The following GOLGA8B variants were observed in gnomAD, a reference collection of about 807,000 sequenced individuals.
GOLGA8B encodes the protein golgin subfamily A member 8B.
GOLGA8B carries 1 observed loss-of-function variant against 15.6 expected under a neutral mutation model. The ratio of observed to expected loss-of-function variants is 0.06; its 90% CI spans 0.02 to 0.30. The LOEUF is 0.30. Among genes scored for constraint, GOLGA8B ranks in the 10% least tolerant of loss-of-function variants. The pLI is 1.00. For synonymous variants in GOLGA8B, 9 were observed against 80.3 expected, an observed-to-expected ratio of 0.11 and a Z score of 4.75; for missense variants, 17 against 201.3, an observed-to-expected ratio of 0.08 and a Z score of 5.54.
At chr15:34,564,443 T>C (rs1888703864) in intron 1 of GOLGA8B, among the ~76,000 whole-genome samples, 1 of 148,306 alleles carries the variant, frequency 6.7e-6, no homozygotes, top group African/African-American at 2.5e-5. Context: ...TTTTGCATCA[T>C]ATTCACATTA....
intron 1 of GOLGA8B, among the ~76,000 whole-genome samples, chr15:34,564,282 C>A (rs1235219829): frequency 7.2e-6 from 1 of 138,686 alleles, no homozygotes; most frequent in Non-Finnish European, 1.6e-5. Flanking sequence ...TCTTTGACTG[C>A]CATTTTTCTT....
Position 34,527,504 on chromosome 15 carries a change from T to C in GOLGA8B, c.*128A>G, listed in dbSNP as rs896001238. 2.4e-5 allele frequency: 17 copies of C among 712,084 alleles called. No individual in the cohort carries two copies. The highest frequency in any genetic ancestry group is 3.6e-5 in the Non-Finnish European group (17 of 466,972). 44.1% of individuals were successfully genotyped at this position (712,084 alleles called of 1,614,324 possible). A position where few individuals can be genotyped will look rare whatever the true frequency, so the allele number is the denominator to read the frequency against. On this transcript the variant is annotated 3_prime_UTR_variant, in exon 24 of 24. Coordinates refer to ENST00000683415, the MANE Select transcript of GOLGA8B (RefSeq NM_001023567.5). ...TTACAAATAAACTTAAACTATAAAT[T>C]AGAAACACAAATAATCATGAGTAGC...
At position 34,527,787 on chromosome 15, in the gene GOLGA8B, C is replaced by G; in HGVS notation, c.1657G>C (p.Glu553Gln). 6.5e-7 allele frequency: 1 copy of G among 1,529,762 alleles called. No homozygotes were observed. Among genetic ancestry groups the G allele is most frequent in the Non-Finnish European group, 8.8e-7 (1 of 1,138,486 alleles). 94.8% of individuals were successfully genotyped at this position (1,529,762 alleles called of 1,614,324 possible). The change falls in exon 24 of 24, where the codon GAA becomes CAA. Residue 553 changes from glutamate to glutamine, a missense_variant. Around this residue, in one of 4 missense-constraint regions of GOLGA8B, gnomAD observed 9 missense variants for 17.4 expected, o/e 0.52. Transcript: ENST00000683415. ...LTNSVEPAQG[E>Q]AREGSSQDNP... ...TCCTGGGAAGAACCCTCCCTGGCTT[C>G]TCCTTGTGCAGGCTCCACGCTGTTG...
intron 7 of GOLGA8B, among the ~76,000 whole-genome samples, chr15:34,542,245 AT>A (rs1888217827): frequency 4.8e-5 from 1 of 20,900 alleles, no homozygotes; most frequent in Non-Finnish European, 9.7e-5. Flanking sequence ...TCTCTTCATT[AT>A]TAACTTCTAA....
intron 1 of GOLGA8B, among the ~76,000 whole-genome samples, chr15:34,567,520 A>G (rs1182363153): frequency 1.3e-5 from 2 of 151,732 alleles, no homozygotes; most frequent in Admixed American, 6.5e-5. Context: ...TTGTGAGAAG[A>G]GTCACATGAA....
intron 1 of GOLGA8B, among the ~76,000 whole-genome samples, chr15:34,580,037 TG>T (rs1184735052): frequency 6.6e-6 from 1 of 151,168 alleles, no homozygotes; most frequent in African/African-American, 2.4e-5. Flanking sequence ...GGTGAGGGGC[TG>T]GCCAGGTGGG....
chr15:34,559,209 G>A (rs1379335124), intron 1 of GOLGA8B, among the ~76,000 whole-genome samples: 3 of 147,024 alleles, frequency 2.0e-5, no homozygotes, highest in Non-Finnish European at 4.4e-5. Context: ...ACCCACAGTA[G>A]AGTCACAGAG....
intron 1 of GOLGA8B, among the ~76,000 whole-genome samples, chr15:34,566,669 A>G (rs1385408727): frequency 5.5e-5 from 8 of 145,764 alleles, no homozygotes; most frequent in Non-Finnish European, 7.7e-5. Context: ...TGACAGCACA[A>G]GCAGCTCAGG....
intron 1 of GOLGA8B, among the ~76,000 whole-genome samples, chr15:34,563,517 T>C (rs1252660851): frequency 6.7e-6 from 1 of 148,972 alleles, no homozygotes; most frequent in Non-Finnish European, 1.5e-5. Flanking sequence ...TTTACTGTCA[T>C]TGTCTATTGG....
Position 34,527,528 on chromosome 15 carries a change from GC to G in GOLGA8B, c.*103del, listed in dbSNP as rs1888085341. On this transcript the variant is annotated 3_prime_UTR_variant, in exon 24 of 24. Coordinates refer to ENST00000683415, the MANE Select transcript of GOLGA8B (RefSeq NM_001023567.5). ...TTAGAAACACAAATAATCATGAGTA[GC>G]TCTAACATTCAAATGAAGTAAATGA... The G allele has an allele frequency of 7.1e-6, 5 of 705,474 alleles. No individual in the cohort carries two copies. The highest frequency in any genetic ancestry group is 4.0e-5 in the African/African-American group (2 of 49,396). 43.7% of individuals were successfully genotyped at this position (705,474 alleles called of 1,614,324 possible). A position where few individuals can be genotyped will look rare whatever the true frequency, so the allele number is the denominator to read the frequency against.
chr15:34,581,363 A>C (rs1364760966), intron 1 of GOLGA8B: 1 of 152,280 alleles, frequency 6.6e-6, no homozygotes, highest in Non-Finnish European at 1.5e-5. Flanking sequence ...CCTCACTATC[A>C]ACTGTTTTTC....
intron 1 of GOLGA8B, among the ~76,000 whole-genome samples, chr15:34,561,241 A>G (rs1238180554): frequency 3.0e-4 from 44 of 147,132 alleles, no homozygotes; most frequent in Admixed American, 2.1e-3. Flanking sequence ...CTCACAGGGC[A>G]GTATGTTTGA....
At chr15:34,574,411 C>G (rs1408742586) in intron 1 of GOLGA8B, among the ~76,000 whole-genome samples, 4 of 151,840 alleles carry the variant, frequency 2.6e-5, no homozygotes, top group Non-Finnish European at 5.9e-5. Context: ...TTAAGCGATC[C>G]TCCCACCTCA....
chr15:34,574,584 A>C (rs1889015775), intron 1 of GOLGA8B, among the ~76,000 whole-genome samples: 1 of 152,102 alleles, frequency 6.6e-6, no homozygotes, highest in South Asian at 2.1e-4. Context: ...GGATTACAGC[A>C]TGAACCACCG....
chr15:34,573,393 C>T (rs1043525608), intron 1 of GOLGA8B, among the ~76,000 whole-genome samples: 3 of 151,742 alleles, frequency 2.0e-5, no homozygotes, highest in Admixed American at 6.6e-5. Flanking sequence ...AAAAGTTAGC[C>T]GGGAGGGGTG....
chr15:34,579,353 G>A (rs111241422), intron 1 of GOLGA8B, among the ~76,000 whole-genome samples: 1 of 152,054 alleles, frequency 6.6e-6, no homozygotes, highest in Non-Finnish European at 1.5e-5. Flanking sequence ...TCTGACATTA[G>A]GTACAAGACA....
intron 1 of GOLGA8B, among the ~76,000 whole-genome samples, chr15:34,575,830 C>T (rs1167523550): frequency 6.6e-6 from 1 of 152,222 alleles, no homozygotes; most frequent in African/African-American, 2.4e-5. Flanking sequence ...CTCCAGCAAC[C>T]CCTTCCATGC....
rs12899797 is a variant in GOLGA8B at position 34,583,188 on chromosome 15, G to T, written c.-1123+328C>A. Reference sequence around the variant, plus strand: ...GAGATCCGAGCGGGCGGCCCCGCCAGACAGCGCCACTTGCCCGCGCCGAGA... The same window carrying T: ...GAGATCCGAGCGGGCGGCCCCGCCATACAGCGCCACTTGCCCGCGCCGAGA... On this transcript the variant is annotated intron_variant, in intron 1 of 23. Coordinates refer to ENST00000683415, the MANE Select transcript of GOLGA8B (RefSeq NM_001023567.5). Among the ~76,000 whole-genome samples, 22 of 151,742 alleles carry T rather than the reference G, an allele frequency of 1.4e-4. No individual in the cohort carries two copies. The East Asian group carries it at 3.5e-3, about 24-fold the overall frequency.
chr15:34,579,636 C>G (rs1889176181), intron 1 of GOLGA8B, among the ~76,000 whole-genome samples: 1 of 152,230 alleles, frequency 6.6e-6, no homozygotes, highest in Non-Finnish European at 1.5e-5. Context: ...CTCTGCAGCT[C>G]TTTCCTGACT....
Sources: allele counts gnomAD v4.1 joint callset (sites outside exome capture counted in the v4.1 genomes callset), GRCh38; gene constraint gnomAD v4.1.1; regional missense constraint gnomAD v4.1.1; transcripts MANE v1.5; gene names NCBI Gene and HGNC (gene_info 2026-07-23, HGNC 2026-07-21).